The following FARSB variants were observed in gnomAD, a reference collection of about 807,000 sequenced individuals.
FARSB encodes phenylalanyl-tRNA synthetase subunit beta.
Under a neutral mutation model 69.6 loss-of-function variants are expected in FARSB, and 40 were observed. That is an observed-to-expected ratio of 0.57 (90% CI 0.45 to 0.75). The LOEUF is 0.75. Ranked by LOEUF, FARSB falls within the 30% of genes least tolerant of loss-of-function variation. FARSB has a pLI of 0.00. For missense variants in FARSB, 632 were observed against 722.9 expected, an observed-to-expected ratio of 0.87 and a Z score of 1.44; for synonymous variants, 235 against 247.2, an observed-to-expected ratio of 0.95 and a Z score of 0.46.
Position 222,642,852 on chromosome 2 carries a change from T to C in FARSB, c.268A>G (p.Arg90Gly). Residue 90 changes from arginine to glycine, a missense_variant and splice_region_variant, in exon 3 of 17, where the codon AGG becomes GGG. Physicochemically the swap from Arg to Gly is moderately radical, Grantham distance 125 (BLOSUM62 -2). Coordinates refer to ENST00000281828, the MANE Select transcript of FARSB (RefSeq NM_005687.5). ...LVRGLQVFKE[R>G]IKAPVYKRVM... ...TCTTTAAGGAACATATTTCCTTACC[T>C]TTCTTTGAAGACCTGAAGTCCTCGA... 1 of 1,597,558 alleles carries C rather than the reference T, an allele frequency of 6.3e-7. No homozygotes were observed. The highest frequency in any genetic ancestry group is 1.1e-5 in the South Asian group (1 of 88,590).
At chr2:222,643,807 G>A (rs986652995) in intron 2 of FARSB, among the ~76,000 whole-genome samples, 2 of 152,190 alleles carry the variant, frequency 1.3e-5, no homozygotes, top group East Asian at 1.9e-4. Flanking sequence ...CTAGAATCAC[G>A]TTTAATGCAG....
In FARSB at chr2:222,570,502, T is replaced by C. The variant is rs552494182; in HGVS notation, c.*1369A>G. 1.7e-4 allele frequency: 26 copies of C among 152,120 alleles called. 1 individual carries two copies. Among genetic ancestry groups the C allele is most frequent in the Admixed American group, 1.2e-3 (18 of 15,270 alleles). 9.4% of individuals were successfully genotyped at this position (152,120 alleles called of 1,614,324 possible). Reference sequence around the variant, plus strand: ...AAAGATCCATAAACATAATTCTTATTTCACTATCTTTGTTAGCTACTTCTT... The same window carrying C: ...AAAGATCCATAAACATAATTCTTATCTCACTATCTTTGTTAGCTACTTCTT... On this transcript the variant is annotated 3_prime_UTR_variant, in exon 17 of 17. Transcript: ENST00000281828.
At position 222,633,190 on chromosome 2, in the gene FARSB, A is replaced by G. The variant is rs1691481239; in HGVS notation, c.715+9T>C. On this transcript the variant is annotated intron_variant, in intron 7 of 16. Transcript: ENST00000281828. The stretch of plus-strand genomic sequence containing the variant: ...AGCAAAGATCTGTGATGCTTATAAA[A>G]TAACTCACCATTGATGATGGGAGGC... 8.0e-7 allele frequency: 1 copy of G among 1,245,484 alleles called. No individual in the cohort carries two copies. Among genetic ancestry groups the G allele is most frequent in the South Asian group, 1.2e-5 (1 of 83,274 alleles). 77.2% of individuals were successfully genotyped at this position (1,245,484 alleles called of 1,614,324 possible). A position where few individuals can be genotyped will look rare whatever the true frequency, so the allele number is the denominator to read the frequency against.
chr2:222,618,900 G>A (rs566313871), intron 14 of FARSB, among the ~76,000 whole-genome samples: 1 of 152,254 alleles, frequency 6.6e-6, no homozygotes, highest in East Asian at 1.9e-4. Context: ...ACTTTGGGAG[G>A]CTGAGGTCAC....
chr2:222,603,887 T>C (rs377278546), intron 15 of FARSB, among the ~76,000 whole-genome samples: 1 of 151,924 alleles, frequency 6.6e-6, no homozygotes, highest in East Asian at 1.9e-4. Context: ...GGCAAGCTTA[T>C]GTATGGCTAT....
chr2:222,602,820 G>GAGAGA (rs1690597985), intron 15 of FARSB, among the ~76,000 whole-genome samples: 2 of 151,890 alleles, frequency 1.3e-5, no homozygotes, highest in Non-Finnish European at 2.9e-5. Context: ...TCTCTCATTA[G>GAGAGA]CACTTTAACA....
intron 14 of FARSB, among the ~76,000 whole-genome samples, 163 bp downstream of exon 14, chr2:222,619,482 G>T (rs561617400): frequency 6.6e-6 from 1 of 152,044 alleles, no homozygotes; most frequent in Non-Finnish European, 1.5e-5. Context: ...AAGAATTTTT[G>T]GCAGCAAAGC....
chr2:222,631,794 T>A, intron 7 of FARSB, 120 bp from the exon 8 acceptor site: 3 of 679,710 alleles, frequency 4.4e-6, no homozygotes, highest in Non-Finnish European at 7.7e-6. Context: ...AACTAACACC[T>A]TGGCCAGGGA....
rs150697372 is a variant in FARSB, at chr2:222,629,012, G to A, written c.849-124C>T. 1.9e-3 allele frequency: 1,300 copies of A among 695,542 alleles called. 14 individuals are homozygous for A. The African/African-American group carries it at 0.02, about 11-fold the overall frequency. 43.1% of individuals were successfully genotyped at this position (695,542 alleles called of 1,614,324 possible). ...ACAGCCTCAACATACTCCATCTATC[G>A]CATTCCAGCACTGTTTGGATTGATC... On this transcript the variant is annotated intron_variant, in intron 9 of 16. Coordinates refer to ENST00000281828, the MANE Select transcript of FARSB (RefSeq NM_005687.5).
chr2:222,639,340 A>G (rs939050197), intron 5 of FARSB, among the ~76,000 whole-genome samples: 3 of 152,234 alleles, frequency 2.0e-5, no homozygotes, highest in African/African-American at 7.2e-5. Flanking sequence ...TTCTCCATGC[A>G]TATGGCATTT....
At chr2:222,580,006 C>T (rs1159583498) in intron 16 of FARSB, among the ~76,000 whole-genome samples, 1 of 152,120 alleles carries the variant, frequency 6.6e-6, no homozygotes, top group Non-Finnish European at 1.5e-5. Flanking sequence ...AGTGACAGAA[C>T]GACTTGCCAC....
At position 222,656,070 on chromosome 2, in the gene FARSB, G is replaced by A. The variant is rs372481653; in HGVS notation, c.4C>T (p.Pro2Ser). M[P>S]TVSVKRDLLF... ...AGATCACGCTTCACGCTGACAGTCGGCATGGTGTGTCGAACTCACTGCGCC... is the reference window on the plus strand; with the variant it reads ...AGATCACGCTTCACGCTGACAGTCGACATGGTGTGTCGAACTCACTGCGCC... Residue 2 changes from proline to serine, a missense_variant, in exon 1 of 17, where the codon CCG becomes TCG. Transcript: ENST00000281828. 4.3e-5 allele frequency: 68 copies of A among 1,595,438 alleles called. No homozygotes were observed. Among genetic ancestry groups the A allele is most frequent in the African/African-American group, 6.8e-5 (5 of 73,902 alleles).
At position 222,588,557 on chromosome 2, in the gene FARSB, C is replaced by T. The variant is rs377718188; in HGVS notation, c.1618+11371G>A. Among the ~76,000 whole-genome samples, 39 of 152,090 alleles carry T rather than the reference C, an allele frequency of 2.6e-4. No individual in the cohort carries two copies. The South Asian group carries it at 7.9e-3, about 31-fold the overall frequency. ...AATAAAGGGTATTCAATTAGGAAAA[C>T]TGAAGTCAAATTGTCCCTGTTTGCA... On this transcript the variant is annotated intron_variant, in intron 16 of 16. Coordinates refer to ENST00000281828, the MANE Select transcript of FARSB (RefSeq NM_005687.5).
At chr2:222,614,249 A>ATTATT (rs1393170344) in intron 14 of FARSB, among the ~76,000 whole-genome samples, 1 of 152,102 alleles carries the variant, frequency 6.6e-6, no homozygotes, top group African/African-American at 2.4e-5. Flanking sequence ...ATTATCATTC[A>ATTATT]TTATTTTATT....
At position 222,628,721 on chromosome 2, in the gene FARSB, G is replaced by A. The variant is rs34167083; in HGVS notation, c.900+116C>T. ...ATCCATGTAATGCACATAGTGTAGCGCCTGGCACACGGGTGGGTAGGTAGG... is the reference window on the plus strand; with the variant it reads ...ATCCATGTAATGCACATAGTGTAGCACCTGGCACACGGGTGGGTAGGTAGG... On this transcript the variant is annotated intron_variant, in intron 10 of 16. Transcript: ENST00000281828. 203,853 of 695,636 alleles carry A rather than the reference G, an allele frequency of 0.29. 32,321 individuals are homozygous for A. The highest frequency in any genetic ancestry group is 0.42 in the South Asian group (23,644 of 56,432). 43.1% of individuals were successfully genotyped at this position (695,636 alleles called of 1,614,324 possible). A position where few individuals can be genotyped will look rare whatever the true frequency, so the allele number is the denominator to read the frequency against.
rs546525533 is a variant in FARSB at position 222,594,088 on chromosome 2, C to A, written c.1618+5840G>T. Among the ~76,000 whole-genome samples the A allele has an allele frequency of 3.9e-3, 344 of 88,424 alleles. 1 individual carries two copies. The highest frequency in any genetic ancestry group is 0.021 in the Middle Eastern group (2 of 96). 58.0% of individuals were successfully genotyped at this position (88,424 alleles called of 152,430 possible). On this transcript the variant is annotated intron_variant, in intron 16 of 16. Coordinates refer to ENST00000281828, the MANE Select transcript of FARSB (RefSeq NM_005687.5). ...CCTGGGTGACAAGGCAAAAACCCGCCTCTACAAAAAAAAAAAAAAAAAAAA... is the reference window on the plus strand; with the variant it reads ...CCTGGGTGACAAGGCAAAAACCCGCATCTACAAAAAAAAAAAAAAAAAAAA...
Position 222,631,490 on chromosome 2 carries a change from A to G in FARSB, c.786+114T>C, listed in dbSNP as rs79993064. 1,487 of 703,650 alleles carry G rather than the reference A, an allele frequency of 2.1e-3. 17 individuals are homozygous for G. In the African/African-American group the frequency reaches 0.023, roughly 11 times the overall value. The allele number at this position is 703,650 out of a possible 1,614,324, so 43.6% of individuals were successfully genotyped here. ...CTTTTTAATTGTCTAAATTTCTAAA[A>G]TATGTTCCCACCTACAAAATGCACA... On this transcript the variant is annotated intron_variant, in intron 8 of 16. Coordinates refer to ENST00000281828, the MANE Select transcript of FARSB (RefSeq NM_005687.5).
intron 16 of FARSB, among the ~76,000 whole-genome samples, chr2:222,597,816 C>G (rs1335450770): frequency 6.6e-6 from 1 of 152,150 alleles, no homozygotes; most frequent in African/African-American, 2.4e-5. Context: ...TCCATCCCAC[C>G]CAACCTACAT....
chr2:222,594,093 CAAAAAAAAA>C (rs33937937), intron 16 of FARSB, among the ~76,000 whole-genome samples: 4 of 51,548 alleles, frequency 7.8e-5, no homozygotes, highest in South Asian at 1.1e-3. Flanking sequence ...CCCGCCTCTA[CAAAAAAAAA>C]AAAAAAAAAA....
Sources: allele counts gnomAD v4.1 joint callset (sites outside exome capture counted in the v4.1 genomes callset), GRCh38; gene constraint gnomAD v4.1.1; transcripts MANE v1.5; gene names NCBI Gene and HGNC (gene_info 2026-07-23, HGNC 2026-07-21).